RGS9: variants seen among roughly 807,000 people sequenced by gnomAD.
RGS9 encodes regulator of G-protein signalling 9.
Under a neutral mutation model 102.0 loss-of-function variants are expected in RGS9, and 78 were observed. That is an observed-to-expected ratio of 0.76 (90% CI 0.64 to 0.92). RGS9 has a LOEUF of 0.92. Among genes scored for constraint, RGS9 ranks in the 40% least tolerant of loss-of-function variants. The probability of loss-of-function intolerance (pLI) is 0.00; values close to 1 mark genes in which losing one functional copy is unlikely to be tolerated. For synonymous variants in RGS9, 353 were observed against 318.6 expected (o/e 1.11, Z -1.15); for missense variants, 833 against 866.1 (o/e 0.96, Z 0.48).
intron 8 of RGS9, among the ~76,000 whole-genome samples, chr17:65,171,847 T>C (rs895389014): frequency 6.6e-6 from 1 of 152,236 alleles, no homozygotes; most frequent in Non-Finnish European, 1.5e-5. Context: ...GTTTTGTAAA[T>C]GAACAAAGGG....
At chr17:65,181,016 T>A (rs967381807) in intron 9 of RGS9, among the ~76,000 whole-genome samples, 6 of 152,240 alleles carry the variant, frequency 3.9e-5, no homozygotes, top group African/African-American at 1.4e-4. Context: ...CCATGGTATA[T>A]ATGTACCACA....
At chr17:65,193,685 A>T (rs1284302493) in intron 12 of RGS9, 29 bp downstream of exon 12, 1 of 1,424,308 alleles carries the variant, frequency 7.0e-7, no homozygotes, top group Admixed American at 1.7e-5. Context: ...GGTGTTTTTT[A>T]AAAAACCGTT....
At chr17:65,140,014 A>G (rs891585448) in intron 1 of RGS9, among the ~76,000 whole-genome samples, 30 of 152,232 alleles carry the variant, frequency 2.0e-4, no homozygotes, top group Admixed American at 6.5e-4. Flanking sequence ...GATGAAGTAC[A>G]CGGTGTCCAT....
intron 2 of RGS9, among the ~76,000 whole-genome samples, chr17:65,153,817 G>A (rs1910674777): frequency 6.6e-6 from 1 of 152,164 alleles, no homozygotes; most frequent in Non-Finnish European, 1.5e-5. Flanking sequence ...CTGAACCTGG[G>A]AGGCAGAGCT....
At chr17:65,174,058 T>C (rs560404717) in intron 8 of RGS9, among the ~76,000 whole-genome samples, 2 of 152,158 alleles carry the variant, frequency 1.3e-5, no homozygotes, top group Admixed American at 1.3e-4. Flanking sequence ...GAGAGCCAGG[T>C]TGGGGCTGGA....
chr17:65,192,340 G>A (rs1912400249), intron 11 of RGS9, among the ~76,000 whole-genome samples: 2 of 152,298 alleles, frequency 1.3e-5, no homozygotes, highest in African/African-American at 4.8e-5. Flanking sequence ...TAGGCCGGGA[G>A]CGGTGGCTCA....
chr17:65,218,187 G>A (rs1011222056), intron 17 of RGS9, among the ~76,000 whole-genome samples: 55 of 152,204 alleles, frequency 3.6e-4, no homozygotes, highest in Non-Finnish European at 1.0e-4. Context: ...ATACTCCTTG[G>A]TCAGCCAAGC....
chr17:65,174,466 T>C (rs1048759244), intron 8 of RGS9, among the ~76,000 whole-genome samples: 12 of 151,966 alleles, frequency 7.9e-5, no homozygotes, highest in Non-Finnish European at 1.5e-4. Context: ...TGTGTGAGCA[T>C]GTATGTCAGT....
intron 16 of RGS9, among the ~76,000 whole-genome samples, chr17:65,208,441 C>T (rs888364644): frequency 8.5e-5 from 13 of 152,112 alleles, no homozygotes; most frequent in African/African-American, 1.7e-4. Flanking sequence ...GAAGGGGAAA[C>T]GGACAGTAAC....
intron 9 of RGS9, 30 bp downstream of exon 9, chr17:65,177,833 G>A: frequency 1.3e-6 from 2 of 1,591,612 alleles, no homozygotes; most frequent in Non-Finnish European, 1.7e-6. Context: ...TTTGGGTAGG[G>A]CCTAGGTCGG....
At chr17:65,185,056 C>A (rs1368951487) in intron 9 of RGS9, among the ~76,000 whole-genome samples, 1 of 152,060 alleles carries the variant, frequency 6.6e-6, no homozygotes, top group East Asian at 1.9e-4. Flanking sequence ...CTCTTCTCCA[C>A]CACTCCCTCC....
intron 16 of RGS9, among the ~76,000 whole-genome samples, chr17:65,208,912 A>C (rs954495): frequency 0.087 from 13,211 of 152,238 alleles, 798 homozygotes; most frequent in African/African-American, 0.15. Flanking sequence ...TGTTATGAAA[A>C]GGAGAGAAAG....
At chr17:65,223,006 G>C (rs573711172) in intron 17 of RGS9, among the ~76,000 whole-genome samples, 2 of 152,244 alleles carry the variant, frequency 1.3e-5, no homozygotes, top group East Asian at 3.9e-4. Flanking sequence ...TTCCTGGCAG[G>C]GTGTCCCTGG....
At position 65,202,444 on chromosome 17, in the gene RGS9, T is replaced by TGTGTGTGTGTGAGA. The variant is rs3838367; in HGVS notation, c.1064+365_1064+366insTGTGTGTGTGAGAG. Among the ~76,000 whole-genome samples, 400 of 131,754 alleles carry TGTGTGTGTGTGAGA rather than the reference T, an allele frequency of 3.0e-3. 2 individuals are homozygous for TGTGTGTGTGTGAGA. The highest frequency in any genetic ancestry group is 8.0e-3 in the African/African-American group (259 of 32,530). 86.4% of individuals were successfully genotyped at this position (131,754 alleles called of 152,430 possible). A position where few individuals can be genotyped will look rare whatever the true frequency, so the allele number is the denominator to read the frequency against. ...GTGTGTGTGTGTGTGTGTGTGTGTGTGAGAGAGAGAGAGAGAGAGAGAGTG... is the reference window on the plus strand; with the variant it reads ...GTGTGTGTGTGTGTGTGTGTGTGTGTGTGTGTGTGTGAGAGAGAGAGAGAGAGAGAGAGAGAGTG... On this transcript the variant is annotated intron_variant, in intron 14 of 18. Coordinates refer to ENST00000262406, the MANE Select transcript of RGS9 (RefSeq NM_003835.4).
chr17:65,163,628 G>C (rs1398562783), intron 7 of RGS9, among the ~76,000 whole-genome samples: 1 of 152,162 alleles, frequency 6.6e-6, no homozygotes, highest in Admixed American at 6.5e-5. Context: ...GTGAGATGAG[G>C]GCCACCTGGC....
intron 17 of RGS9, among the ~76,000 whole-genome samples, chr17:65,222,753 C>T (rs1905407357): frequency 6.6e-6 from 1 of 152,186 alleles, no homozygotes; most frequent in Non-Finnish European, 1.5e-5. Flanking sequence ...AAGCTTAGTG[C>T]AGAGTCCCTT....
intron 17 of RGS9, among the ~76,000 whole-genome samples, chr17:65,218,085 G>A (rs1197661220): frequency 4.6e-5 from 7 of 152,210 alleles, no homozygotes; most frequent in Non-Finnish European, 8.8e-5. Flanking sequence ...GTAGAAGGTT[G>A]TCAAGCTAGG....
At chr17:65,222,640 G>T (rs1905400090) in intron 17 of RGS9, among the ~76,000 whole-genome samples, 1 of 152,142 alleles carries the variant, frequency 6.6e-6, no homozygotes, top group Non-Finnish European at 1.5e-5. Flanking sequence ...CCTAACAGTT[G>T]TCTCCCAAGC....
At chr17:65,191,217 G>A (rs760959995) in intron 11 of RGS9, among the ~76,000 whole-genome samples, 21 of 152,110 alleles carry the variant, frequency 1.4e-4, no homozygotes, top group Middle Eastern at 3.4e-3. Context: ...ATTTACTTCC[G>A]TGTTCCATAA....
Sources: gnomAD v4.1 joint callset for allele counts (sites outside exome capture counted in the v4.1 genomes callset) on GRCh38, gnomAD v4.1.1 for gene constraint, MANE v1.5 for transcripts, NCBI Gene and HGNC (gene_info 2026-07-23, HGNC 2026-07-21) for gene names.